RBFOX3: variants seen among roughly 807,000 people sequenced by gnomAD.
RBFOX3 encodes RNA binding protein fox-1 homolog 3.
Under a neutral mutation model 48.7 loss-of-function variants are expected in RBFOX3, and 17 were observed. The observed-to-expected ratio is 0.35, with a 90% CI of 0.24 to 0.52. The LOEUF (loss-of-function observed/expected upper bound fraction) is 0.52, where lower values mean the gene tolerates loss of function less well. RBFOX3 is among the 20% of genes least tolerant of loss of function. The pLI, the probability that RBFOX3 is intolerant of heterozygous loss-of-function variation, is 0.94. For missense variants in RBFOX3, 382 were observed against 497.5 expected (o/e 0.77, Z 2.21); for synonymous variants, 212 against 209.5 (o/e 1.01, Z -0.10).
At chr17:79,527,731 C>CG (rs1158260849) in intron 1 of RBFOX3, among the ~76,000 whole-genome samples, 1 of 152,218 alleles carries the variant, frequency 6.6e-6, no homozygotes, top group African/African-American at 2.4e-5. Context: ...GTACAGGCAG[C>CG]AGATGATGCA....
chr17:79,294,564 G>A (rs919405439), intron 3 of RBFOX3, among the ~76,000 whole-genome samples: 1 of 152,066 alleles, frequency 6.6e-6, no homozygotes, highest in Non-Finnish European at 1.5e-5. Context: ...TGCCTGCCGC[G>A]ACTGGGATTA....
the RBFOX3 span, among the ~76,000 whole-genome samples, chr17:79,640,209 T>A: frequency 6.6e-6 from 1 of 152,224 alleles, no homozygotes; most frequent in South Asian, 2.1e-4. Context: ...GTAATCCCAT[T>A]CACAATAGCA....
At chr17:79,382,750 A>G (rs1165334714) in intron 2 of RBFOX3, among the ~76,000 whole-genome samples, 3 of 152,274 alleles carry the variant, frequency 2.0e-5, no homozygotes, top group East Asian at 3.9e-4. Flanking sequence ...CCTCTTGCCT[A>G]TCGCCTCCCA....
intron 1 of RBFOX3, among the ~76,000 whole-genome samples, chr17:79,493,003 G>T (rs1291560174): frequency 1.3e-5 from 2 of 152,136 alleles, no homozygotes; most frequent in Non-Finnish European, 2.9e-5. Flanking sequence ...GATGCCTGAG[G>T]CTGGGTCATT....
intron 4 of RBFOX3, among the ~76,000 whole-genome samples, chr17:79,149,035 A>G (rs964305809): frequency 2.0e-5 from 3 of 152,180 alleles, no homozygotes; most frequent in Non-Finnish European, 4.4e-5. Context: ...TGGGATTCAA[A>G]CACTCAGCCT....
At chr17:79,241,939 A>T (rs139849260) in intron 3 of RBFOX3, among the ~76,000 whole-genome samples, 1 of 152,210 alleles carries the variant, frequency 6.6e-6, no homozygotes, top group African/African-American at 2.4e-5. Flanking sequence ...CCATCTCCAG[A>T]TATCATCCCT....
chr17:79,333,040 T>C (rs1415809970), intron 2 of RBFOX3, among the ~76,000 whole-genome samples: 6 of 147,238 alleles, frequency 4.1e-5, no homozygotes, highest in Non-Finnish European at 7.5e-5. Context: ...GAGAGACATA[T>C]AGATAGACAG....
intron 4 of RBFOX3, 34 bp downstream of exon 4, chr17:79,235,732 A>C (rs2061554877): frequency 6.5e-6 from 1 of 153,768 alleles, no homozygotes; most frequent in Non-Finnish European, 1.5e-5. Flanking sequence ...ATCTGTCAAA[A>C]ACTATTCAGG....
At chr17:79,333,270 C>T (rs767442717) in intron 2 of RBFOX3, among the ~76,000 whole-genome samples, 1 of 152,158 alleles carries the variant, frequency 6.6e-6, no homozygotes, top group African/African-American at 2.4e-5. Flanking sequence ...AAGGTGTCCT[C>T]GCTTCCTGAA....
At chr17:79,493,848 C>G (rs1181377508) in intron 1 of RBFOX3, among the ~76,000 whole-genome samples, 2 of 152,204 alleles carry the variant, frequency 1.3e-5, no homozygotes, top group East Asian at 1.9e-4. Flanking sequence ...CCACTTCCCT[C>G]CCCAAGTCAC....
chr17:79,271,935 G>A (rs1185049229), intron 3 of RBFOX3, among the ~76,000 whole-genome samples: 10 of 152,224 alleles, frequency 6.6e-5, no homozygotes, highest in Admixed American at 2.0e-4. Context: ...ACCAGCAGCC[G>A]GCCACAGAGG....
At chr17:79,179,350 G>T (rs752017090) in intron 4 of RBFOX3, among the ~76,000 whole-genome samples, 1 of 152,204 alleles carries the variant, frequency 6.6e-6, no homozygotes, top group Non-Finnish European at 1.5e-5. Flanking sequence ...CCGTGAAGCC[G>T]CTCGGAAACG....
Position 79,090,766 on chromosome 17 carries a change from T to G in RBFOX3, c.*117A>C, listed in dbSNP as rs1599362799. ...CTTGGTTGGATGCCTCTTGGTTTGG[T>G]TGGTTTTTTTTTTGTTGCTTGGATC... On this transcript the variant is annotated 3_prime_UTR_variant, in exon 15 of 15. Coordinates refer to ENST00000693108, the MANE Select transcript of RBFOX3 (RefSeq NM_001350451.2). 7.8e-7 allele frequency: 1 copy of G among 1,275,674 alleles called. No homozygotes were observed. The highest frequency in any genetic ancestry group is 1.1e-6 in the Non-Finnish European group (1 of 941,266). The allele number at this position is 1,275,674 out of a possible 1,614,324, so 79.0% of individuals were successfully genotyped here. A position where few individuals can be genotyped will look rare whatever the true frequency, so the allele number is the denominator to read the frequency against.
intron 4 of RBFOX3, among the ~76,000 whole-genome samples, chr17:79,130,010 C>T (rs973681972): frequency 6.6e-5 from 10 of 152,236 alleles, no homozygotes; most frequent in Admixed American, 2.6e-4. Flanking sequence ...CTGCGGGGAC[C>T]GGGAGGAGGC....
intron 14 of RBFOX3, chr17:79,092,351 A>T (rs188867037): frequency 2.0e-6 from 2 of 985,588 alleles, no homozygotes; most frequent in Non-Finnish European, 2.4e-6. Context: ...CAAAATAGGA[A>T]ATCACGGTTG....
rs181329485 is a variant in RBFOX3, at chr17:79,106,806, G to A, written c.223-18C>T. 7.7e-5 allele frequency: 115 copies of A among 1,494,956 alleles called. 1 individual carries two copies. In the African/African-American group the frequency reaches 1.4e-3, roughly 19 times the overall value. The allele number at this position is 1,494,956 out of a possible 1,614,324, so 92.6% of individuals were successfully genotyped here. ...TCTGTCTGCTGCAGGGAGAGGACTGGGCTGTGGAGGCTGCCTCTGTGTGCG... is the reference window on the plus strand; with the variant it reads ...TCTGTCTGCTGCAGGGAGAGGACTGAGCTGTGGAGGCTGCCTCTGTGTGCG... On this transcript the variant is annotated intron_variant, in intron 5 of 14. Transcript: ENST00000693108.
At chr17:79,385,607 C>G (rs76110116) in intron 2 of RBFOX3, among the ~76,000 whole-genome samples, 5 of 152,188 alleles carry the variant, frequency 3.3e-5, no homozygotes, top group African/African-American at 1.2e-4. Context: ...TCAAATACCA[C>G]GTGTGCTGCT....
At chr17:79,662,739 A>T in the RBFOX3 span, among the ~76,000 whole-genome samples, 7 of 152,200 alleles carry the variant, frequency 4.6e-5, no homozygotes, top group Admixed American at 4.6e-4. Flanking sequence ...TTATGTAGAA[A>T]CCCAATAAAA....
At chr17:79,225,291 CTT>C (rs58461275) in intron 4 of RBFOX3, among the ~76,000 whole-genome samples, 51 of 128,092 alleles carry the variant, frequency 4.0e-4, no homozygotes, top group Middle Eastern at 4.2e-3. Context: ...TCCCTCCATT[CTT>C]TTTTTTTTTT....
Sources: gnomAD v4.1 joint callset for allele counts (sites outside exome capture counted in the v4.1 genomes callset) on GRCh38, gnomAD v4.1.1 for gene constraint, MANE v1.5 for transcripts, NCBI Gene and HGNC (gene_info 2026-07-23, HGNC 2026-07-21) for gene names.